SLC25A48: variants seen among roughly 807,000 people sequenced by gnomAD.
The protein encoded by SLC25A48 is solute carrier family 25 member 48.
A neutral mutation model predicts 32.2 loss-of-function variants in SLC25A48; 29 were observed. The ratio of observed to expected loss-of-function variants is 0.90; its 90% CI spans 0.67 to 1.23. The LOEUF (loss-of-function observed/expected upper bound fraction) is 1.23. Among genes scored for constraint, SLC25A48 ranks in the 50% most tolerant of loss-of-function variants. SLC25A48 has a pLI of 0.00. For missense variants in SLC25A48, 399 were observed against 422.7 expected (o/e 0.94, Z 0.49); for synonymous variants, 164 against 172.3 (o/e 0.95, Z 0.38).
At chr5:135,640,702 A>G (rs181289272) in intron 3 of SLC25A48, among the ~76,000 whole-genome samples, 137 of 152,274 alleles carry the variant, frequency 9.0e-4, no homozygotes, top group African/African-American at 3.2e-3. Flanking sequence ...TTAAAAATTA[A>G]TAATCATAAC....
chr5:135,586,768 A>G (rs185824054), intron 1 of SLC25A48, among the ~76,000 whole-genome samples: 354 of 152,138 alleles, frequency 2.3e-3, no homozygotes, highest in African/African-American at 7.9e-3. Context: ...TGGGCAGGGG[A>G]GGGAAGGGTG....
intron 3 of SLC25A48, 88 bp downstream of exon 3, chr5:135,850,584 G>GA: frequency 7.9e-7 from 1 of 1,260,234 alleles, no homozygotes; most frequent in Non-Finnish European, 1.1e-6. Context: ...CAGCATGCAG[G>GA]TGGGGGCCTC....
chr5:135,812,645 A>C (rs958816130), exon 4 of SLC25A48: 2 of 152,266 alleles, frequency 1.3e-5, no homozygotes, highest in Non-Finnish European at 2.9e-5. Flanking sequence ...CTTATCTGCG[A>C]TGTCTTTCTC....
At chr5:135,796,742 C>A (rs73789186) in intron 3 of SLC25A48, among the ~76,000 whole-genome samples, 1 of 151,238 alleles carries the variant, frequency 6.6e-6, no homozygotes, top group South Asian at 2.1e-4. Context: ...CATAGTATTG[C>A]GGGGTGTGTA....
At chr5:135,867,778 G>A (rs1363704962) in intron 4 of SLC25A48, among the ~76,000 whole-genome samples, 2 of 152,248 alleles carry the variant, frequency 1.3e-5, no homozygotes, top group East Asian at 3.9e-4. Flanking sequence ...ATTTATGCTT[G>A]GAATTATAAT....
chr5:135,632,459 T>C (rs950574985), intron 2 of SLC25A48, among the ~76,000 whole-genome samples: 2 of 152,120 alleles, frequency 1.3e-5, no homozygotes, highest in Non-Finnish European at 2.9e-5. Flanking sequence ...AGGTAAACTT[T>C]AGCATGCTCA....
In SLC25A48 at chr5:135,852,743, G is replaced by A. The variant is rs752426397; in HGVS notation, c.343G>A (p.Val115Met). The stretch of plus-strand genomic sequence containing the variant: ...GCTCCTGGCCAGCATGGTGGCCGGC[G>A]TGGTCTCTGTCGGGCTGGGAGGGCC... ...DLLLASMVAG[V>M]VSVGLGGPVD... The change falls in exon 4 of 8, where the codon GTG becomes ATG. Residue 115 changes from valine to methionine, a missense_variant. Physicochemically the swap from Val to Met is conservative, Grantham distance 21. Transcript: ENST00000681962. The A allele has an allele frequency of 1.9e-6, 3 of 1,613,970 alleles. No homozygotes were observed. The highest frequency in any genetic ancestry group is 2.5e-6 in the Non-Finnish European group (3 of 1,179,998).
At chr5:135,669,713 C>G (rs1226781489) in intron 3 of SLC25A48, among the ~76,000 whole-genome samples, 6 of 152,250 alleles carry the variant, frequency 3.9e-5, no homozygotes, top group Admixed American at 1.3e-4. Context: ...AAAAAGCCAC[C>G]CAGCAGGGAG....
intron 3 of SLC25A48, among the ~76,000 whole-genome samples, chr5:135,763,049 G>A (rs567213594): frequency 6.6e-6 from 1 of 152,206 alleles, no homozygotes; most frequent in African/African-American, 2.4e-5. Flanking sequence ...GTGAGGCTGT[G>A]TGTCAGTGTG....
chr5:135,706,200 C>T (rs1754503837), intron 3 of SLC25A48, among the ~76,000 whole-genome samples: 1 of 152,182 alleles, frequency 6.6e-6, no homozygotes, highest in Non-Finnish European at 1.5e-5. Context: ...CTGGGCTGGG[C>T]AGCCAGGAGG....
intron 3 of SLC25A48, among the ~76,000 whole-genome samples, chr5:135,749,780 C>T (rs1158847319): frequency 1.3e-5 from 2 of 152,054 alleles, no homozygotes; most frequent in Non-Finnish European, 2.9e-5. Context: ...TTAGTAGAGA[C>T]GGGGTTTCAC....
chr5:135,797,316 T>A (rs1757210435), intron 3 of SLC25A48, among the ~76,000 whole-genome samples: 1 of 151,880 alleles, frequency 6.6e-6, no homozygotes, highest in African/African-American at 2.4e-5. Context: ...GTTTCTAATA[T>A]CCACAGAAGG....
At chr5:135,866,325 C>A (rs533780479) in intron 4 of SLC25A48, among the ~76,000 whole-genome samples, 126 of 152,330 alleles carry the variant, frequency 8.3e-4, no homozygotes, top group African/African-American at 2.9e-3. Flanking sequence ...TTTCTGCTGG[C>A]CTTACTGTTT....
chr5:135,717,384 C>T (rs1298606039), intron 3 of SLC25A48, among the ~76,000 whole-genome samples: 1 of 152,160 alleles, frequency 6.6e-6, no homozygotes, highest in Non-Finnish European at 1.5e-5. Context: ...TGTACCAGGG[C>T]CCGTCCACCC....
chr5:135,808,521 C>T (rs1381234224), intron 3 of SLC25A48, among the ~76,000 whole-genome samples: 1 of 152,082 alleles, frequency 6.6e-6, no homozygotes, highest in East Asian at 1.9e-4. Flanking sequence ...AAAAAAATAC[C>T]CAAATCTTTT....
chr5:135,858,073 C>T (rs1293619953), intron 4 of SLC25A48, among the ~76,000 whole-genome samples: 1 of 140,904 alleles, frequency 7.1e-6, no homozygotes, highest in Non-Finnish European at 1.6e-5. Flanking sequence ...GCAATCTGCC[C>T]ATGGCCTGTG....
chr5:135,672,981 A>T (rs116010019), intron 3 of SLC25A48, among the ~76,000 whole-genome samples: 29 of 152,310 alleles, frequency 1.9e-4, no homozygotes, highest in African/African-American at 6.7e-4. Context: ...GAGATCATAC[A>T]GTATATATAT....
At chr5:135,756,433 C>G (rs62365683) in intron 3 of SLC25A48, among the ~76,000 whole-genome samples, 1 of 151,752 alleles carries the variant, frequency 6.6e-6, no homozygotes, top group Non-Finnish European at 1.5e-5. Flanking sequence ...GCCTGTGATC[C>G]CAGGCCAAGG....
intron 2 of SLC25A48, among the ~76,000 whole-genome samples, chr5:135,843,780 G>A (rs1243246508): frequency 6.6e-6 from 1 of 152,190 alleles, no homozygotes; most frequent in Non-Finnish European, 1.5e-5. Context: ...AAGAAGGCCA[G>A]TGTGTGTGTG....
Sources: allele counts gnomAD v4.1 joint callset (sites outside exome capture counted in the v4.1 genomes callset), GRCh38; gene constraint gnomAD v4.1.1; transcripts MANE v1.5; gene names NCBI Gene and HGNC (gene_info 2026-07-23, HGNC 2026-07-21).